Variants in LONRF1 observed in about 807,000 individuals in gnomAD.
The protein encoded by LONRF1 is LON peptidase N-terminal domain and RING finger protein 1.
A neutral mutation model predicts 85.8 loss-of-function variants in LONRF1; 37 were observed. The ratio of observed to expected loss-of-function variants is 0.43; its 90% CI spans 0.33 to 0.57. The LOEUF (loss-of-function observed/expected upper bound fraction) is 0.57, where lower values mean the gene tolerates loss of function less well. LONRF1 is among the 20% of genes least tolerant of loss of function. The pLI is 0.04. For missense variants in LONRF1, 1,036 were observed against 978.0 expected, an observed-to-expected ratio of 1.06 and a Z score of -0.79; for synonymous variants, 517 against 390.1, an observed-to-expected ratio of 1.33 and a Z score of -3.83.
At chr8:12,740,000 G>T (rs949494635) in intron 3 of LONRF1, among the ~76,000 whole-genome samples, 1 of 152,180 alleles carries the variant, frequency 6.6e-6, no homozygotes, top group South Asian at 2.1e-4. Context: ...AACATCTCCT[G>T]GGATGCTTCT....
At chr8:12,730,007 C>T (rs1017848408) in intron 8 of LONRF1, among the ~76,000 whole-genome samples, 10 of 152,156 alleles carry the variant, frequency 6.6e-5, no homozygotes, top group African/African-American at 2.2e-4. Flanking sequence ...CAGCAGAAAC[C>T]TTACGTTGTT....
chr8:12,736,551 G>T, intron 6 of LONRF1, 150 bp downstream of exon 6: 1 of 579,488 alleles, frequency 1.7e-6, no homozygotes, highest in Non-Finnish European at 2.9e-6. Context: ...CCCAAGGCAT[G>T]AAAGGTAAAC....
chr8:12,730,349 C>T (rs896451864), intron 8 of LONRF1, among the ~76,000 whole-genome samples: 11 of 152,186 alleles, frequency 7.2e-5, no homozygotes, highest in Middle Eastern at 3.4e-3. Flanking sequence ...TGCCAAAATG[C>T]CAATAGTTGA....
intron 2 of LONRF1, 36 bp downstream of exon 2, chr8:12,743,128 T>C (rs1799005565): frequency 7.3e-7 from 1 of 1,372,042 alleles, no homozygotes; most frequent in Non-Finnish European, 1.0e-6. Context: ...TAGTTAAAAT[T>C]TTACAATTTA....
At chr8:12,747,765 T>TCC (rs1799223224) in intron 1 of LONRF1, among the ~76,000 whole-genome samples, 1 of 151,502 alleles carries the variant, frequency 6.6e-6, no homozygotes, top group Non-Finnish European at 1.5e-5. Context: ...TCTTTTTTTT[T>TCC]TTTTTTTTTA....
rs1306684601 is a variant in LONRF1 at position 12,755,474 on chromosome 8, C to G, written c.-54G>C. On this transcript the variant is annotated 5_prime_UTR_variant, in exon 1 of 12. Coordinates refer to ENST00000398246, the MANE Select transcript of LONRF1 (RefSeq NM_152271.5). ...CCGCCGCCACGGTCCCGGAGCCTCCCGGGCGCGCGGCTCCGCACGCGGCCC... is the reference window on the plus strand; with the variant it reads ...CCGCCGCCACGGTCCCGGAGCCTCCGGGGCGCGCGGCTCCGCACGCGGCCC... The G allele has an allele frequency of 2.8e-5, 28 of 1,006,370 alleles. No homozygotes were observed. Among genetic ancestry groups the G allele is most frequent in the Non-Finnish European group, 3.3e-5 (27 of 828,776 alleles). 62.3% of individuals were successfully genotyped at this position (1,006,370 alleles called of 1,614,324 possible).
chr8:12,735,332 A>C lies in LONRF1; in HGVS notation c.1520T>G (p.Leu507Ter). The part of the protein sequence containing the change: ...SFCKNCLERC[L>*]DHAPYCPLCK... ...AAGAGGACAATATGGTGCATGATCT[A>C]AACAACGCTCAAGACAATTCTTACA... The change falls in exon 7 of 12, where the codon TTA (leucine) becomes TGA (stop). Residue 507 changes from leucine (L) to a stop codon, truncating the protein, a stop_gained. Coordinates refer to ENST00000398246, the MANE Select transcript of LONRF1 (RefSeq NM_152271.5). LOFTEE classifies it high-confidence loss of function. 1 of 1,608,346 alleles carries C rather than the reference A, an allele frequency of 6.2e-7. No individual in the cohort carries two copies. The highest frequency in any genetic ancestry group is 8.5e-7 in the Non-Finnish European group (1 of 1,176,680).
chr8:12,727,195 A>T (rs998384468), intron 10 of LONRF1: 3 of 150,160 alleles, frequency 2.0e-5, no homozygotes, highest in Non-Finnish European at 3.0e-5. Flanking sequence ...GGCTCTGGTA[A>T]ACAAGGAATG....
chr8:12,736,808 A>C lies in LONRF1; in HGVS notation c.1355-11T>G. 6.3e-7 allele frequency: 1 copy of C among 1,596,562 alleles called. No homozygotes were observed. Among genetic ancestry groups the C allele is most frequent in the Non-Finnish European group, 8.5e-7 (1 of 1,171,390 alleles). ...CTTCATTGGGAGTTTCTATTAAAAC[A>C]AAGACATGGGGTTTTCTTCCTTAGG... On this transcript the variant is annotated splice_polypyrimidine_tract_variant and intron_variant, in intron 5 of 11. Transcript: ENST00000398246.
chr8:12,729,132 G>C, intron 9 of LONRF1, 42 bp downstream of exon 9: 2 of 1,611,814 alleles, frequency 1.2e-6, no homozygotes, highest in Non-Finnish European at 8.5e-7. Flanking sequence ...ATATTGAGAG[G>C]TCTAACATAA....
chr8:12,723,141 C>T lies in LONRF1; in HGVS notation c.2277G>A (p.Lys759=), dbSNP rs752264268. The stretch of plus-strand genomic sequence containing the variant: ...AAAAATAGGTCAGTATATGCTGTAT[C>T]TTGGTCAACCGTTCTTTCAAAGACT... ...SMKSLKERLT[K]IQHILTYFSR... The change falls in exon 12 of 12, where the codon AAG becomes AAA. Residue 759 remains lysine (K), a synonymous_variant. Coordinates refer to ENST00000398246, the MANE Select transcript of LONRF1 (RefSeq NM_152271.5). 8.7e-6 allele frequency: 14 copies of T among 1,614,014 alleles called. No individual in the cohort carries two copies. The highest frequency in any genetic ancestry group is 1.3e-5 in the African/African-American group (1 of 74,932).
chr8:12,738,445 G>C (rs904527944), intron 3 of LONRF1, among the ~76,000 whole-genome samples: 1 of 152,174 alleles, frequency 6.6e-6, no homozygotes, highest in Non-Finnish European at 1.5e-5. Flanking sequence ...GATCTTAAAA[G>C]ACATATTAAA....
At chr8:12,746,862 G>C (rs1799178208) in intron 1 of LONRF1, among the ~76,000 whole-genome samples, 1 of 152,162 alleles carries the variant, frequency 6.6e-6, no homozygotes, top group Non-Finnish European at 1.5e-5. Flanking sequence ...GTTGGTAACA[G>C]TCTCTACCCC....
At chr8:12,739,292 T>C (rs1206104836) in intron 3 of LONRF1, among the ~76,000 whole-genome samples, 1 of 149,492 alleles carries the variant, frequency 6.7e-6, no homozygotes, top group Non-Finnish European at 1.5e-5. Context: ...AATGGAATAC[T>C]TTAAAAAACA....
chr8:12,755,122 C>T lies in LONRF1; in HGVS notation c.299G>A (p.Arg100His), dbSNP rs1233063553. 2 of 1,457,330 alleles carry T rather than the reference C, an allele frequency of 1.4e-6. No individual in the cohort carries two copies. Among genetic ancestry groups the T allele is most frequent in the South Asian group, 1.3e-5 (1 of 75,706 alleles). The allele number at this position is 1,457,330 out of a possible 1,614,324, so 90.3% of individuals were successfully genotyped here. The change falls in exon 1 of 12, where the codon CGC (arginine) becomes CAC (histidine). Residue 100 changes from arginine to histidine, a missense_variant. Physicochemically the swap from Arg to His is conservative, Grantham distance 29. Transcript: ENST00000398246. ...VDCLVFNYRLRHGLGWSAAPV... is the reference protein window; with the variant it reads ...VDCLVFNYRLHHGLGWSAAPV... ...GGCCGCGCTCCAGCCCAGCCCGTGG[C>T]GGAGCCGGTAGTTGAACACCAGGCA...
chr8:12,733,148 A>G (rs1434431574), intron 7 of LONRF1, among the ~76,000 whole-genome samples: 1 of 152,146 alleles, frequency 6.6e-6, no homozygotes. Context: ...TCAGGGGAGC[A>G]TGGGGAGAGG....
At chr8:12,725,324 T>C (rs1197860214) in intron 11 of LONRF1, among the ~76,000 whole-genome samples, 1 of 152,198 alleles carries the variant, frequency 6.6e-6, no homozygotes, top group Non-Finnish European at 1.5e-5. Flanking sequence ...TTCAAATGTA[T>C]AGAAAATGGT....
chr8:12,737,359 A>C, intron 4 of LONRF1: 1 of 691,162 alleles, frequency 1.4e-6, no homozygotes, highest in Non-Finnish European at 2.6e-6. Flanking sequence ...GGGTTCATCC[A>C]ACTGGGGATA....
intron 1 of LONRF1, among the ~76,000 whole-genome samples, chr8:12,752,773 C>A (rs927248567): frequency 6.6e-6 from 1 of 152,216 alleles, no homozygotes; most frequent in Non-Finnish European, 1.5e-5. Flanking sequence ...TGGACCAGGA[C>A]CTGGATTCTT....
Sources: allele counts gnomAD v4.1 joint callset (sites outside exome capture counted in the v4.1 genomes callset), GRCh38; gene constraint gnomAD v4.1.1; transcripts MANE v1.5; gene names NCBI Gene and HGNC (gene_info 2026-07-23, HGNC 2026-07-21).